PCDHGB5: variants seen among roughly 807,000 people sequenced by gnomAD.
PCDHGB5 encodes the protein protocadherin gamma-B5.
In PCDHGB5, 48 loss-of-function variants were observed where a neutral mutation model predicts 62.9. The observed-to-expected ratio is 0.76, with a 90% CI of 0.61 to 0.97. PCDHGB5 has a LOEUF of 0.97. Among genes scored for constraint, PCDHGB5 ranks in the 50% least tolerant of loss-of-function variants. The probability of loss-of-function intolerance (pLI) is 0.00; values close to 1 mark genes in which losing one functional copy is unlikely to be tolerated. For synonymous variants in PCDHGB5, 474 were observed against 511.2 expected (o/e 0.93, Z 0.98); for missense variants, 1,118 against 1,198.6 (o/e 0.93, Z 0.99).
chr5:141,433,361 ATCT>A, intron 1 of PCDHGB5: 2 of 297,578 alleles, frequency 6.7e-6, no homozygotes, highest in Non-Finnish European at 1.3e-5. Context: ...CTGTCTGCCT[ATCT>A]ATCTATCTAT....
At chr5:141,422,166 T>A (rs370704205) in intron 1 of PCDHGB5, 1 of 1,569,256 alleles carries the variant, frequency 6.4e-7, no homozygotes, top group African/African-American at 1.4e-5. Context: ...TTGAAAAATA[T>A]AGATTCTATG....
intron 1 of PCDHGB5, 129 bp from the exon 2 acceptor site, chr5:141,494,678 G>T: frequency 1.3e-6 from 2 of 1,554,384 alleles, no homozygotes; most frequent in East Asian, 4.7e-5. Flanking sequence ...GTCCACCCCT[G>T]CCCCCTCTTA....
chr5:141,502,615 A>G (rs2099815317), intron 2 of PCDHGB5, among the ~76,000 whole-genome samples: 1 of 152,218 alleles, frequency 6.6e-6, no homozygotes, highest in Non-Finnish European at 1.5e-5. Context: ...TTGTGAAAAT[A>G]TAAGTAATCT....
At chr5:141,413,396 G>A in intron 1 of PCDHGB5, 1 of 1,614,060 alleles carries the variant, frequency 6.2e-7, no homozygotes, top group Non-Finnish European at 8.5e-7. Flanking sequence ...GTCTCCAGAG[G>A]TAGGACGCAG....
chr5:141,410,118 G>T (rs2095358965), intron 1 of PCDHGB5: 3 of 1,612,304 alleles, frequency 1.9e-6, no homozygotes, highest in East Asian at 4.5e-5. Context: ...GACGCAGCCC[G>T]CCAGCGCCTG....
rs754836894 is a variant in PCDHGB5 at position 141,432,969 on chromosome 5, C to G, written c.2397+32445C>G. ...GGAGGCGGCTTGACAGGAGCGCCGG[C>G]GTCGCACTTTGTGGGCGTGGACGGG... On this transcript the variant is annotated intron_variant, in intron 1 of 3. Coordinates refer to ENST00000617380, the MANE Select transcript of PCDHGB5 (RefSeq NM_018925.3). The surrounding 1 kb of genome is among the most constrained non-coding windows in gnomAD (Gnocchi z 6.0). 5.0e-6 allele frequency: 8 copies of G among 1,614,030 alleles called. No homozygotes were observed. In the Admixed American group the frequency reaches 5.0e-5, roughly 10 times the overall value.
At chr5:141,421,601 T>C (rs1309928984) in intron 1 of PCDHGB5, 19 of 1,613,652 alleles carry the variant, frequency 1.2e-5, no homozygotes, top group Non-Finnish European at 1.6e-5. Context: ...GTGGAAATAA[T>C]AGATATTAAT....
chr5:141,400,279 G>C lies in PCDHGB5; in HGVS notation c.2152G>C (p.Ala718Pro), dbSNP rs1561676065. The C allele has an allele frequency of 6.2e-7, 1 of 1,614,050 alleles. No homozygotes were observed. The highest frequency in any genetic ancestry group is 1.3e-5 in the African/African-American group (1 of 75,052). ...GCGCCTGCGACGCTCCTCCAGCCCT[G>C]CCGCCTGGAGCTGCTTCCAACCTGG... Reference protein sequence around the residue: ...ALRLRRSSSPAAWSCFQPGLC... With the variant: ...ALRLRRSSSPPAWSCFQPGLC... The change falls in exon 1 of 4, where the codon GCC becomes CCC. Residue 718 changes from alanine to proline, a missense_variant. Coordinates refer to ENST00000617380, the MANE Select transcript of PCDHGB5 (RefSeq NM_018925.3).
rs1193095881 is a variant in PCDHGB5 at position 141,490,273 on chromosome 5, G to T, written c.2398-4534G>T. On this transcript the variant is annotated intron_variant, in intron 1 of 3. Coordinates refer to ENST00000617380, the MANE Select transcript of PCDHGB5 (RefSeq NM_018925.3). This position sits in a 1 kb window ranked among gnomAD's most constrained non-coding sequence, Gnocchi z 5.4. ...TCAAGTGGATGTGGGGGATGTCAAT[G>T]ACAATGCCCCAGAGGTGCTATTGGC... 6.2e-7 allele frequency: 1 copy of T among 1,614,108 alleles called. No homozygotes were observed. The highest frequency in any genetic ancestry group is 8.5e-7 in the Non-Finnish European group (1 of 1,180,052).
In PCDHGB5 at chr5:141,431,482, G is replaced by C. The variant is rs781371030; in HGVS notation, c.2397+30958G>C. ...TGGATGCGAACGACAACGCACCAGCGTTTGCTCAGCCCGAGTACCGCGCGA... is the reference window on the plus strand; with the variant it reads ...TGGATGCGAACGACAACGCACCAGCCTTTGCTCAGCCCGAGTACCGCGCGA... On this transcript the variant is annotated intron_variant, in intron 1 of 3. Coordinates refer to ENST00000617380, the MANE Select transcript of PCDHGB5 (RefSeq NM_018925.3). The surrounding 1 kb of genome is among the most constrained non-coding windows in gnomAD (Gnocchi z 4.8). The C allele has an allele frequency of 6.8e-6, 11 of 1,613,800 alleles. No individual in the cohort carries two copies. The Admixed American group carries it at 1.3e-4, about 20-fold the overall frequency.
At chr5:141,428,129 C>G (rs1449809875) in intron 1 of PCDHGB5, 1 of 1,603,218 alleles carries the variant, frequency 6.2e-7, no homozygotes, top group Non-Finnish European at 8.5e-7. Context: ...CCGGGCTTTT[C>G]AGCCTGGGGC....
chr5:141,399,062 C>T lies in PCDHGB5; in HGVS notation c.935C>T (p.Ser312Leu). Reference sequence around the variant, plus strand: ...GATTTTGAAGAGACCAAGGAATATTCAATGGTTGTAGAAGGGAGGGATGGT... The same window carrying T: ...GATTTTGAAGAGACCAAGGAATATTTAATGGTTGTAGAAGGGAGGGATGGT... ...KLDFEETKEY[S>L]MVVEGRDGGG... The change falls in exon 1 of 4, where the codon TCA becomes TTA. Residue 312 changes from serine to leucine, a missense_variant. Coordinates refer to ENST00000617380, the MANE Select transcript of PCDHGB5 (RefSeq NM_018925.3). The T allele has an allele frequency of 6.2e-7, 1 of 1,613,790 alleles. No individual in the cohort carries two copies. Among genetic ancestry groups the T allele is most frequent in the Non-Finnish European group, 8.5e-7 (1 of 1,179,846 alleles).
intron 1 of PCDHGB5, chr5:141,409,446 C>A: frequency 6.2e-7 from 1 of 1,613,984 alleles, no homozygotes; most frequent in Middle Eastern, 1.6e-4. Flanking sequence ...CGAGAGCAGA[C>A]ACCAGAATAC....
intron 1 of PCDHGB5, among the ~76,000 whole-genome samples, chr5:141,443,679 A>G (rs1158105871): frequency 6.6e-6 from 1 of 152,268 alleles, no homozygotes; most frequent in African/African-American, 2.4e-5. Flanking sequence ...AGTAGTTTAC[A>G]AACACTTCAA....
At chr5:141,423,237 C>A in intron 1 of PCDHGB5, 1 of 1,613,916 alleles carries the variant, frequency 6.2e-7, no homozygotes, top group Non-Finnish European at 8.5e-7. Context: ...ACAGCATCCC[C>A]GAAGTCCTGG....
At position 141,490,208 on chromosome 5, in the gene PCDHGB5, G is replaced by A. The variant is rs745796427; in HGVS notation, c.2398-4599G>A. On this transcript the variant is annotated intron_variant, in intron 1 of 3. Coordinates refer to ENST00000617380, the MANE Select transcript of PCDHGB5 (RefSeq NM_018925.3). The surrounding 1 kb of genome is among the most constrained non-coding windows in gnomAD (Gnocchi z 5.4). ...TTCTATGAAATTCATGCAAGAGCCC[G>A]TGACCAGGGACAGCCTGCCATGGAG... 44 of 1,614,120 alleles carry A rather than the reference G, an allele frequency of 2.7e-5. No individual in the cohort carries two copies. The Admixed American group carries it at 4.5e-4, about 17-fold the overall frequency.
chr5:141,422,922 C>T (rs1244444241), intron 1 of PCDHGB5: 1 of 1,614,130 alleles, frequency 6.2e-7, no homozygotes, highest in Non-Finnish European at 8.5e-7. Flanking sequence ...AGATCCTGTA[C>T]CCTGCCCTCC....
At chr5:141,431,000 A>G (rs1272572092) in intron 1 of PCDHGB5, 4 of 1,613,898 alleles carry the variant, frequency 2.5e-6, no homozygotes, top group African/African-American at 1.3e-5. Flanking sequence ...GAATCCGCGC[A>G]GCGGCAGCTT....
intron 1 of PCDHGB5, among the ~76,000 whole-genome samples, chr5:141,447,779 A>T (rs770299374): frequency 2.0e-5 from 3 of 152,210 alleles, no homozygotes; most frequent in Non-Finnish European, 4.4e-5. Flanking sequence ...ACTTTAATTG[A>T]AAATAAATTT....
Sources: gnomAD v4.1 joint callset for allele counts (sites outside exome capture counted in the v4.1 genomes callset) on GRCh38, gnomAD v4.1.1 for gene constraint, Gnocchi (gnomAD v3.1) non-coding constraint, MANE v1.5 for transcripts, NCBI Gene and HGNC (gene_info 2026-07-23, HGNC 2026-07-21) for gene names.